ADAMTS9: variants seen among roughly 807,000 people sequenced by gnomAD.
ADAMTS9 encodes the protein ADAM metallopeptidase with thrombospondin type 1 motif 9, also known as A disintegrin and metalloproteinase with thrombospondin motifs 9.
A neutral mutation model predicts 257.1 loss-of-function variants in ADAMTS9; 107 were observed. The ratio of observed to expected loss-of-function variants is 0.42; its 90% CI spans 0.36 to 0.49. The LOEUF (loss-of-function observed/expected upper bound fraction) is 0.49, where lower values mean the gene tolerates loss of function less well. Ranked by LOEUF, ADAMTS9 falls within the 20% of genes least tolerant of loss-of-function variation. The pLI is 0.03. For missense variants in ADAMTS9, 2,353 were observed against 2,469.1 expected (o/e 0.95, Z 1.00); for synonymous variants, 982 against 880.9 (o/e 1.11, Z -2.03).
intron 12 of ADAMTS9, 105 bp from the exon 13 acceptor site, chr3:64,633,984 A>G: frequency 9.1e-7 from 1 of 1,098,772 alleles, no homozygotes; most frequent in Admixed American, 2.5e-5. Flanking sequence ...AAGTAAATCT[A>G]GGGTGGCAAA....
At chr3:64,684,004 G>A (rs1218311949) in intron 2 of ADAMTS9, among the ~76,000 whole-genome samples, 1 of 152,116 alleles carries the variant, frequency 6.6e-6, no homozygotes, top group African/African-American at 2.4e-5. Flanking sequence ...AAGAAGGGTA[G>A]GATTTGAGCA....
chr3:64,576,945 A>G (rs1276659036), intron 28 of ADAMTS9, among the ~76,000 whole-genome samples: 1 of 152,018 alleles, frequency 6.6e-6, no homozygotes, highest in Non-Finnish European at 1.5e-5. Flanking sequence ...TCCCACCCCA[A>G]CGCCCCCAGG....
chr3:64,517,416 G>GTTTTTTTTTTTTTTTTTTGTTTTT (rs2082790052), intron 39 of ADAMTS9, among the ~76,000 whole-genome samples: 1 of 52,636 alleles, frequency 1.9e-5, no homozygotes, highest in Non-Finnish European at 3.8e-5. Context: ...ATTAAAAATG[G>GTTTTTTTTTTTTTTTTTTGTTTTT]TTTTTTTTTT....
At chr3:64,653,433 G>T (rs893798705) in intron 8 of ADAMTS9, among the ~76,000 whole-genome samples, 8 of 152,104 alleles carry the variant, frequency 5.3e-5, no homozygotes, top group Admixed American at 5.2e-4. Flanking sequence ...TGTTTGAAAG[G>T]TACTAGTTTA....
At chr3:64,632,314 G>A (rs1267401493) in intron 14 of ADAMTS9, among the ~76,000 whole-genome samples, 1 of 152,156 alleles carries the variant, frequency 6.6e-6, no homozygotes, top group Non-Finnish European at 1.5e-5. Context: ...GGTAAGAACT[G>A]TATCTAATTA....
intron 25 of ADAMTS9, among the ~76,000 whole-genome samples, chr3:64,602,766 T>C (rs928080285): frequency 2.0e-5 from 3 of 152,230 alleles, no homozygotes; most frequent in African/African-American, 7.2e-5. Context: ...ACATCCCATC[T>C]TTCTCTATTC....
chr3:64,622,080 A>G, intron 18 of ADAMTS9, 118 bp downstream of exon 18: 2 of 1,060,844 alleles, frequency 1.9e-6, no homozygotes, highest in Admixed American at 6.1e-5. Context: ...AAAAGAGATT[A>G]GAGAACGTAT....
intron 3 of ADAMTS9, among the ~76,000 whole-genome samples, chr3:64,665,103 A>G (rs1483179576): frequency 6.6e-6 from 1 of 152,206 alleles, no homozygotes; most frequent in Non-Finnish European, 1.5e-5. Flanking sequence ...CTGAATCCTC[A>G]TATATGCATC....
At chr3:64,606,725 T>A (rs1037125080) in intron 23 of ADAMTS9, among the ~76,000 whole-genome samples, 4 of 152,274 alleles carry the variant, frequency 2.6e-5, no homozygotes, top group African/African-American at 9.6e-5. Context: ...ACATTCATCA[T>A]CCAATAGGAA....
intron 26 of ADAMTS9, 55 bp downstream of exon 26, chr3:64,601,889 C>A: frequency 1.3e-6 from 2 of 1,536,170 alleles, no homozygotes; most frequent in Middle Eastern, 1.8e-4. Flanking sequence ...GTCTCTTTTA[C>A]CCTAAACCCA....
chr3:64,568,709 G>GA (rs765680942), intron 28 of ADAMTS9, 174 bp from the exon 29 acceptor site: 3,077 of 618,018 alleles, frequency 5.0e-3, no homozygotes, highest in East Asian at 5.7e-3. Context: ...AGGTGGCATT[G>GA]AAAAAAAAAA....
At chr3:64,532,990 C>T (rs893698015) in intron 38 of ADAMTS9, among the ~76,000 whole-genome samples, 176 bp downstream of exon 38, 3 of 152,192 alleles carry the variant, frequency 2.0e-5, no homozygotes, top group Non-Finnish European at 4.4e-5. Context: ...ACACTTTAAT[C>T]ACGTGTAAAC....
chr3:64,617,732 T>C (rs1045525125), intron 19 of ADAMTS9, among the ~76,000 whole-genome samples: 1 of 152,152 alleles, frequency 6.6e-6, no homozygotes, highest in Non-Finnish European at 1.5e-5. Context: ...ATTACAGAAC[T>C]TTTCAAGGCC....
intron 28 of ADAMTS9, among the ~76,000 whole-genome samples, chr3:64,584,718 C>T (rs1213958508): frequency 6.6e-6 from 1 of 152,044 alleles, no homozygotes; most frequent in Non-Finnish European, 1.5e-5. Context: ...CATCCTGAGT[C>T]CCCAATTGCC....
rs202148098 is a variant in ADAMTS9, at chr3:64,568,330, CG to C, written c.4524+37del. The C allele has an allele frequency of 9.4e-4, 1,488 of 1,575,618 alleles. 8 individuals are homozygous for C. In the African/African-American group the frequency reaches 0.019, roughly 20 times the overall value. Reference sequence around the variant, plus strand: ...CACTGGGGTCAGCCACGTGGCCAAACGTAAGGAAGCAGTCAGTAGAGGAGAA... The same window carrying C: ...CACTGGGGTCAGCCACGTGGCCAAACTAAGGAAGCAGTCAGTAGAGGAGAA... On this transcript the variant is annotated intron_variant, in intron 29 of 39. Transcript: ENST00000498707.
At chr3:64,542,541 C>T (rs2083139757) in intron 32 of ADAMTS9, among the ~76,000 whole-genome samples, 1 of 151,316 alleles carries the variant, frequency 6.6e-6, no homozygotes, top group Non-Finnish European at 1.5e-5. Flanking sequence ...GATTCTCCTG[C>T]CTCAGACTCC....
chr3:64,533,317 C>T (rs1442021192), intron 37 of ADAMTS9, 47 bp from the exon 38 acceptor site: 2 of 1,515,042 alleles, frequency 1.3e-6, no homozygotes, highest in Middle Eastern at 3.4e-4. Flanking sequence ...ATGTGATGTC[C>T]TCAAAAAAGC....
intron 39 of ADAMTS9, chr3:64,521,771 G>A (rs2082855473): frequency 6.4e-6 from 1 of 155,834 alleles, no homozygotes; most frequent in African/African-American, 2.4e-5. Flanking sequence ...CTGAAATAAT[G>A]GACACTGGTA....
At position 64,561,665 on chromosome 3, in the gene ADAMTS9, G is replaced by A; in HGVS notation, c.4611C>T (p.Cys1537=). The A allele has an allele frequency of 2.5e-6, 4 of 1,614,094 alleles. No individual in the cohort carries two copies. Among genetic ancestry groups the A allele is most frequent in the Non-Finnish European group, 3.4e-6 (4 of 1,180,012 alleles). ...GTHKIARETE[C]NPYTRPESER... ...CCGACTCCGGTCTGGTGTATGGGTT[G>A]CACTCGGTCTCTCTGGCTATTTTGT... Residue 1537 remains cysteine (C), a synonymous_variant, in exon 30 of 40, where the codon TGC becomes TGT. Transcript: ENST00000498707.
Sources: allele counts gnomAD v4.1 joint callset (sites outside exome capture counted in the v4.1 genomes callset), GRCh38; gene constraint gnomAD v4.1.1; transcripts MANE v1.5; gene names NCBI Gene and HGNC (gene_info 2026-07-23, HGNC 2026-07-21).